Variants in PHACTR1 observed in about 807,000 individuals in gnomAD.
PHACTR1 encodes phosphatase and actin regulator 1, also known as RPEL repeat containing 1.
A neutral mutation model predicts 69.2 loss-of-function variants in PHACTR1; 16 were observed. The observed-to-expected ratio is 0.23, with a 90% CI of 0.16 to 0.35. The LOEUF (loss-of-function observed/expected upper bound fraction) is 0.35. Among genes scored for constraint, PHACTR1 ranks in the 10% least tolerant of loss-of-function variants. PHACTR1 has a pLI of 1.00. For missense variants in PHACTR1, 510 were observed against 734.7 expected, an observed-to-expected ratio of 0.69 and a Z score of 3.54; for synonymous variants, 312 against 284.5, an observed-to-expected ratio of 1.10 and a Z score of -0.97.
intron 10 of PHACTR1, among the ~76,000 whole-genome samples, chr6:13,264,548 C>CA (rs1250957440): frequency 6.6e-6 from 1 of 152,052 alleles, no homozygotes; most frequent in African/African-American, 2.4e-5. Flanking sequence ...GGTGAAACCC[C>CA]ATCTCTACTA....
chr6:12,952,329 T>C (rs1036969632), intron 4 of PHACTR1, among the ~76,000 whole-genome samples: 3 of 152,216 alleles, frequency 2.0e-5, no homozygotes, highest in African/African-American at 7.2e-5. Flanking sequence ...TTCTCACCAC[T>C]GTAGTATCAT....
Position 13,228,843 on chromosome 6 carries a change from G to A in PHACTR1, c.1234+780G>A, listed in dbSNP as rs559315325. On this transcript the variant is annotated intron_variant, in intron 9 of 14. Transcript: ENST00000332995. ...CTGCTAAGGGGCAACGCTGGGGTTTGATGCGGGCTCTGTCACATTCTGAAG... is the reference window on the plus strand; with the variant it reads ...CTGCTAAGGGGCAACGCTGGGGTTTAATGCGGGCTCTGTCACATTCTGAAG... Among the ~76,000 whole-genome samples, 111 of 152,356 alleles carry A rather than the reference G, an allele frequency of 7.3e-4. 1 individual carries two copies. The Middle Eastern group carries it at 0.01, about 14-fold the overall frequency.
chr6:13,248,618 G>A (rs903904286), intron 10 of PHACTR1, among the ~76,000 whole-genome samples: 30 of 152,106 alleles, frequency 2.0e-4, no homozygotes, highest in Non-Finnish European at 4.3e-4. Flanking sequence ...TGAGGTGATC[G>A]CAAAGCCCCA....
intron 4 of PHACTR1, among the ~76,000 whole-genome samples, chr6:12,784,341 C>T (rs1230938551): frequency 6.6e-6 from 1 of 151,514 alleles, no homozygotes; most frequent in Non-Finnish European, 1.5e-5. Flanking sequence ...ATGACATATA[C>T]ATATACACAT....
intron 5 of PHACTR1, among the ~76,000 whole-genome samples, chr6:13,148,326 G>A (rs116560136): frequency 3.0e-4 from 46 of 151,926 alleles, no homozygotes; most frequent in African/African-American, 1.1e-3. Flanking sequence ...GTGTTTTAAT[G>A]TAAATTACAG....
intron 4 of PHACTR1, among the ~76,000 whole-genome samples, chr6:12,966,946 A>G (rs1246676854): frequency 6.6e-6 from 1 of 152,234 alleles, no homozygotes; most frequent in Non-Finnish European, 1.5e-5. Flanking sequence ...ATAAAAAGAT[A>G]TGGTCCTCAT....
chr6:13,241,489 A>G (rs1052673389), intron 10 of PHACTR1, among the ~76,000 whole-genome samples: 7 of 152,178 alleles, frequency 4.6e-5, no homozygotes, highest in African/African-American at 1.7e-4. Context: ...TTGAGAAGCA[A>G]TGGGCTAGTA....
Position 12,819,295 on chromosome 6 carries a change from G to C in PHACTR1, c.250+69505G>C, listed in dbSNP as rs868765252. Among the ~76,000 whole-genome samples the C allele has an allele frequency of 2.0e-4, 30 of 152,170 alleles. 1 individual carries two copies. The highest frequency in any genetic ancestry group is 1.5e-3 in the South Asian group (7 of 4,820). On this transcript the variant is annotated intron_variant, in intron 4 of 14. Transcript: ENST00000332995. Reference sequence around the variant, plus strand: ...AAGGAAAATTCTCTGCAATTACAATGTATTGCTTTATTTTCTGCAAGCAAA... The same window carrying C: ...AAGGAAAATTCTCTGCAATTACAATCTATTGCTTTATTTTCTGCAAGCAAA...
intron 4 of PHACTR1, among the ~76,000 whole-genome samples, chr6:12,837,824 G>A (rs76751473): frequency 0.017 from 2,657 of 152,338 alleles, 61 homozygotes; most frequent in South Asian, 0.054. Context: ...TAGTCTTCCA[G>A]TGCTGCACAG....
intron 4 of PHACTR1, among the ~76,000 whole-genome samples, chr6:12,762,964 A>G (rs1341507863): frequency 1.3e-5 from 2 of 152,194 alleles, no homozygotes; most frequent in Non-Finnish European, 2.9e-5. Context: ...CTGGAATCCC[A>G]GCACTTTGGA....
Position 12,892,996 on chromosome 6 carries a change from A to G in PHACTR1, c.250+143206A>G, listed in dbSNP as rs372836234. Among the ~76,000 whole-genome samples, 4 of 152,200 alleles carry G rather than the reference A, an allele frequency of 2.6e-5. No homozygotes were observed. The East Asian group carries it at 7.7e-4, about 29-fold the overall frequency. ...AAGAGGAAGATAGAGACCTCCAGAGAAGGAAGAGAGAGAGAGAAAGCACAC... is the reference window on the plus strand; with the variant it reads ...AAGAGGAAGATAGAGACCTCCAGAGGAGGAAGAGAGAGAGAGAAAGCACAC... On this transcript the variant is annotated intron_variant, in intron 4 of 14. Coordinates refer to ENST00000332995, the MANE Select transcript of PHACTR1 (RefSeq NM_030948.6).
At chr6:13,051,371 T>A (rs1036608403) in intron 4 of PHACTR1, among the ~76,000 whole-genome samples, 1 of 152,156 alleles carries the variant, frequency 6.6e-6, no homozygotes, top group East Asian at 1.9e-4. Context: ...AATACCAGTT[T>A]CCCATTTTCA....
chr6:13,141,185 C>T (rs1822379207), intron 5 of PHACTR1, among the ~76,000 whole-genome samples: 1 of 152,150 alleles, frequency 6.6e-6, no homozygotes, highest in African/African-American at 2.4e-5. Flanking sequence ...TGGCCAAATC[C>T]TTTATCCCCT....
intron 5 of PHACTR1, among the ~76,000 whole-genome samples, chr6:13,157,970 C>T (rs931665145): frequency 2.6e-5 from 4 of 152,072 alleles, no homozygotes; most frequent in African/African-American, 4.8e-5. Flanking sequence ...CAACCTCTGC[C>T]TCCCGGGTTC....
At chr6:13,037,308 A>AC (rs534437305) in intron 4 of PHACTR1, among the ~76,000 whole-genome samples, 61 of 151,908 alleles carry the variant, frequency 4.0e-4, no homozygotes, top group Non-Finnish European at 7.7e-4. Flanking sequence ...ACCTACAGGC[A>AC]CCCCCCCAAA....
intron 8 of PHACTR1, among the ~76,000 whole-genome samples, chr6:13,206,422 G>T (rs1765934905): frequency 6.6e-6 from 1 of 152,126 alleles, no homozygotes; most frequent in Non-Finnish European, 1.5e-5. Flanking sequence ...TCATTAGTAG[G>T]TTCGTGAAAA....
chr6:13,182,889 T>C (rs9381810), intron 7 of PHACTR1, among the ~76,000 whole-genome samples: 34,658 of 152,178 alleles, frequency 0.23, 5,154 homozygotes, highest in East Asian at 0.55. Context: ...TATCCTACAG[T>C]GTTTAAAAAA....
chr6:12,995,410 C>T (rs1001136903), intron 4 of PHACTR1, among the ~76,000 whole-genome samples: 4 of 151,764 alleles, frequency 2.6e-5, no homozygotes, highest in Admixed American at 1.3e-4. Context: ...AACTTCTCTG[C>T]TCAAAGTAGA....
intron 10 of PHACTR1, among the ~76,000 whole-genome samples, chr6:13,265,384 A>T (rs1482256120): frequency 6.6e-6 from 1 of 152,072 alleles, no homozygotes; most frequent in Non-Finnish European, 1.5e-5. Context: ...TTTGGGAAGC[A>T]AAAATGGCAG....
Sources: allele counts gnomAD v4.1 joint callset (sites outside exome capture counted in the v4.1 genomes callset), GRCh38; gene constraint gnomAD v4.1.1; transcripts MANE v1.5; gene names NCBI Gene and HGNC (gene_info 2026-07-23, HGNC 2026-07-21).